Variants in ELMO1 observed in about 807,000 individuals in gnomAD.
ELMO1 encodes the protein engulfment and cell motility 1.
In ELMO1, 26 loss-of-function variants were observed where a neutral mutation model predicts 98.9. That is an observed-to-expected ratio of 0.26 (90% CI 0.19 to 0.36). The LOEUF (loss-of-function observed/expected upper bound fraction) is 0.36. Among genes scored for constraint, ELMO1 ranks in the 10% least tolerant of loss-of-function variants. ELMO1 has a pLI of 1.00. For synonymous variants in ELMO1, 346 were observed against 346.0 expected (o/e 1.00, Z 0.00); for missense variants, 627 against 935.2 (o/e 0.67, Z 4.30).
chr7:37,142,744 T>C (rs1787720043), intron 13 of ELMO1, among the ~76,000 whole-genome samples: 1 of 152,210 alleles, frequency 6.6e-6, no homozygotes, highest in African/African-American at 2.4e-5. Context: ...GAGAAACACA[T>C]GATACTTAGT....
chr7:36,928,958 G>T (rs947736425), intron 16 of ELMO1, among the ~76,000 whole-genome samples: 2 of 152,218 alleles, frequency 1.3e-5, no homozygotes, highest in Non-Finnish European at 2.9e-5. Flanking sequence ...CACTAGTCAT[G>T]GGCAACCATC....
intron 1 of ELMO1, among the ~76,000 whole-genome samples, chr7:37,404,471 A>T (rs1338341484): frequency 6.6e-6 from 1 of 152,184 alleles, no homozygotes; most frequent in Non-Finnish European, 1.5e-5. Flanking sequence ...TTAACCTTTG[A>T]TATTGACATA....
intron 1 of ELMO1, among the ~76,000 whole-genome samples, chr7:37,362,769 C>T (rs1337303748): frequency 6.6e-6 from 1 of 152,194 alleles, no homozygotes; most frequent in Non-Finnish European, 1.5e-5. Context: ...CTTTGTGGTA[C>T]ACCTTTACAC....
chr7:37,223,755 C>T (rs1362707475), intron 9 of ELMO1, among the ~76,000 whole-genome samples: 2 of 152,278 alleles, frequency 1.3e-5, no homozygotes, highest in East Asian at 1.9e-4. Context: ...GCCACAATCA[C>T]GGAGGCCACC....
At chr7:37,308,469 C>T (rs979538421) in intron 4 of ELMO1, among the ~76,000 whole-genome samples, 1 of 152,250 alleles carries the variant, frequency 6.6e-6, no homozygotes, top group Non-Finnish European at 1.5e-5. Context: ...AGGTTCCCAT[C>T]TATCCTCCCT....
At chr7:36,968,515 A>G (rs1200917250) in intron 16 of ELMO1, among the ~76,000 whole-genome samples, 1 of 152,212 alleles carries the variant, frequency 6.6e-6, no homozygotes, top group East Asian at 1.9e-4. Context: ...GGGTGTACTA[A>G]TTGAGCTTTG....
At chr7:37,173,645 G>A (rs939425591) in intron 13 of ELMO1, among the ~76,000 whole-genome samples, 3 of 152,228 alleles carry the variant, frequency 2.0e-5, no homozygotes, top group South Asian at 2.1e-4. Context: ...CCATGGCAGC[G>A]TCTTGAGGAG....
At chr7:36,877,793 T>C (rs1804091984) in intron 19 of ELMO1, among the ~76,000 whole-genome samples, 1 of 152,234 alleles carries the variant, frequency 6.6e-6, no homozygotes, top group South Asian at 2.1e-4. Context: ...TCAATTAAGA[T>C]ACCTTTGCAT....
At chr7:37,090,790 C>A (rs974762829) in intron 15 of ELMO1, among the ~76,000 whole-genome samples, 1 of 152,178 alleles carries the variant, frequency 6.6e-6, no homozygotes, top group Non-Finnish European at 1.5e-5. Context: ...ATGAATGTGA[C>A]TCAAATGTAA....
At chr7:37,376,295 C>G (rs1256636419) in intron 1 of ELMO1, among the ~76,000 whole-genome samples, 1 of 152,280 alleles carries the variant, frequency 6.6e-6, no homozygotes, top group Middle Eastern at 3.4e-3. Flanking sequence ...TCGAACAGCC[C>G]TTCCTCATTC....
intron 20 of ELMO1, among the ~76,000 whole-genome samples, chr7:36,865,897 T>C (rs1240915861): frequency 6.6e-6 from 1 of 152,226 alleles, no homozygotes; most frequent in Non-Finnish European, 1.5e-5. Flanking sequence ...ATGAATGAAG[T>C]AAATGTGAAT....
At chr7:37,101,660 G>A (rs1260522425) in intron 14 of ELMO1, among the ~76,000 whole-genome samples, 1 of 152,090 alleles carries the variant, frequency 6.6e-6, no homozygotes, top group African/African-American at 2.4e-5. Context: ...CACATTCCCA[G>A]GAGCTGCTGG....
chr7:37,017,479 C>T (rs1017368127), intron 15 of ELMO1, among the ~76,000 whole-genome samples: 1 of 152,126 alleles, frequency 6.6e-6, no homozygotes, highest in Non-Finnish European at 1.5e-5. Context: ...CGTCATATGA[C>T]CCAATCCCAA....
Position 37,248,730 on chromosome 7 carries a change from C to T in ELMO1, c.414-4339G>A, listed in dbSNP as rs375714390. On this transcript the variant is annotated intron_variant, in intron 6 of 21. Coordinates refer to ENST00000310758, the MANE Select transcript of ELMO1 (RefSeq NM_014800.11). Reference sequence around the variant, plus strand: ...CTGAGGAGGTAAAGTGCAAAACGTGCATGGTGTCAGCTGGCCTTGGCTGCA... The same window carrying T: ...CTGAGGAGGTAAAGTGCAAAACGTGTATGGTGTCAGCTGGCCTTGGCTGCA... Among the ~76,000 whole-genome samples the T allele has an allele frequency of 3.9e-5, 6 of 152,262 alleles. No homozygotes were observed. In the East Asian group the frequency reaches 9.6e-4, roughly 24 times the overall value.
At chr7:37,035,666 G>C (rs1436541363) in intron 15 of ELMO1, among the ~76,000 whole-genome samples, 3 of 152,190 alleles carry the variant, frequency 2.0e-5, no homozygotes, top group African/African-American at 7.2e-5. Context: ...AGCACTTCCA[G>C]CATGATTAGT....
At chr7:37,427,651 A>G (rs1804763333) in intron 1 of ELMO1, among the ~76,000 whole-genome samples, 1 of 152,258 alleles carries the variant, frequency 6.6e-6, no homozygotes. Flanking sequence ...AGTGGATAAT[A>G]TCGCTATTTT....
intron 15 of ELMO1, among the ~76,000 whole-genome samples, chr7:37,017,405 T>C (rs1180623030): frequency 6.6e-6 from 1 of 152,224 alleles, no homozygotes; most frequent in Non-Finnish European, 1.5e-5. Flanking sequence ...ACCTGAGTTT[T>C]GTTCATGACA....
At chr7:37,218,691 A>C (rs1396635866) in intron 10 of ELMO1, among the ~76,000 whole-genome samples, 1 of 152,278 alleles carries the variant, frequency 6.6e-6, no homozygotes, top group Non-Finnish European at 1.5e-5. Flanking sequence ...GTTTAGAAAA[A>C]CTACAATGCA....
rs186995476 is a variant in ELMO1 at position 36,853,692 on chromosome 7, C to T, written c.*1859G>A. 2.4e-3 allele frequency among the ~76,000 whole-genome samples: 366 copies of T among 152,314 alleles called. No individual in the cohort carries two copies. Among genetic ancestry groups the T allele is most frequent in the African/African-American group, 8.4e-3 (350 of 41,560 alleles). On this transcript the variant is annotated 3_prime_UTR_variant, in exon 22 of 22. Coordinates refer to ENST00000310758, the MANE Select transcript of ELMO1 (RefSeq NM_014800.11). ...CTCAACCCAGGTCAATCTGTAATTG[C>T]ACATCCTGATGACGGTAAAGAGAAA...
Sources: gnomAD v4.1 joint callset for allele counts (sites outside exome capture counted in the v4.1 genomes callset) on GRCh38, gnomAD v4.1.1 for gene constraint, MANE v1.5 for transcripts, NCBI Gene and HGNC (gene_info 2026-07-23, HGNC 2026-07-21) for gene names.